Variants in CEP131 observed in about 807,000 individuals in gnomAD.
CEP131 encodes centrosomal protein 131.
A neutral mutation model predicts 136.8 loss-of-function variants in CEP131; 99 were observed. That is an observed-to-expected ratio of 0.72 (90% CI 0.62 to 0.86). The LOEUF (loss-of-function observed/expected upper bound fraction) is 0.86. Among genes scored for constraint, CEP131 ranks in the 40% least tolerant of loss-of-function variants. CEP131 has a pLI of 0.00. For missense variants in CEP131, 1,459 were observed against 1,463.0 expected (o/e 1.00, Z 0.04); for synonymous variants, 646 against 612.7 (o/e 1.05, Z -0.80).
chr17:81,195,870 C>T lies in CEP131; in HGVS notation c.1981G>A (p.Glu661Lys), dbSNP rs61741549. The T allele has an allele frequency of 0.022, 36,064 of 1,608,000 alleles. 598 individuals are homozygous for T. The highest frequency in any genetic ancestry group is 0.053 in the South Asian group (4,835 of 91,074). The change falls in exon 16 of 26, where the codon GAG becomes AAG. Residue 661 changes from glutamate (E) to lysine (K), a missense_variant. Coordinates refer to ENST00000450824, the MANE Select transcript of CEP131 (RefSeq NM_014984.4). ...ELKQEDQRCT[E>K]RVAQAQAQHE... ...TGCGCCTGTGCCTGGGCCACACGCT[C>T]GGTGCATCTCTGGTCCTCCTGCTTC...
At position 81,203,614 on chromosome 17, in the gene CEP131, G is replaced by A. The variant is rs2061942816; in HGVS notation, c.516-7C>T. On this transcript the variant is annotated splice_polypyrimidine_tract_variant and splice_region_variant and intron_variant, in intron 5 of 25. Transcript: ENST00000450824. This position sits in a 1 kb window ranked among gnomAD's most constrained non-coding sequence, Gnocchi z 4.6. ...CACTGCTCCCTTGTTGCTCCTGCCA[G>A]GCCGGAAGAGAGACAGGAATGGTCA... The A allele has an allele frequency of 1.3e-6, 2 of 1,579,002 alleles. No homozygotes were observed. Among genetic ancestry groups the A allele is most frequent in the East Asian group, 4.6e-5 (2 of 43,440 alleles).
chr17:81,193,840 T>C, intron 18 of CEP131, 86 bp downstream of exon 18: 3 of 1,429,416 alleles, frequency 2.1e-6, no homozygotes, highest in Non-Finnish European at 2.8e-6. Flanking sequence ...CGCCCACCTC[T>C]ACATGGGAAC....
At position 81,220,063 on chromosome 17, in the gene CEP131, C is replaced by T. The variant is rs1322259859; in HGVS notation, c.-7G>A. The T allele has an allele frequency of 1.2e-5, 19 of 1,566,556 alleles. No homozygotes were observed. Among genetic ancestry groups the T allele is most frequent in the Non-Finnish European group, 1.6e-5 (19 of 1,158,122 alleles). On this transcript the variant is annotated 5_prime_UTR_variant, in exon 2 of 26. Coordinates refer to ENST00000450824, the MANE Select transcript of CEP131 (RefSeq NM_014984.4). ...TGGCCCGGGTGCCTTTCATGGTGGA[C>T]AAGGCAGGTCCTGAGCGGGGAAGCA...
intron 16 of CEP131, among the ~76,000 whole-genome samples, chr17:81,195,479 C>A (rs1028015472): frequency 6.6e-6 from 1 of 152,222 alleles, no homozygotes; most frequent in Admixed American, 6.5e-5. Context: ...AATGCTCCAC[C>A]GACACCTGGT....
rs1292840646 is a variant in CEP131, at chr17:81,219,103, G to A, written c.177+777C>T. On this transcript the variant is annotated intron_variant, in intron 2 of 25. Coordinates refer to ENST00000450824, the MANE Select transcript of CEP131 (RefSeq NM_014984.4). This position sits in a 1 kb window ranked among gnomAD's most constrained non-coding sequence, Gnocchi z 4.0. ...CACCAACTCAGGGTGCAGCAGGCCC[G>A]GCCTGCCTTTCACAGCCCCCATCTG... Among the ~76,000 whole-genome samples the A allele has an allele frequency of 2.0e-5, 3 of 152,158 alleles. No homozygotes were observed. Among genetic ancestry groups the A allele is most frequent in the East Asian group, 1.9e-4 (1 of 5,156 alleles).
chr17:81,217,804 G>C (rs930284582), intron 2 of CEP131, among the ~76,000 whole-genome samples: 1 of 152,188 alleles, frequency 6.6e-6, no homozygotes, highest in Non-Finnish European at 1.5e-5. Context: ...ATCGATATGA[G>C]TAGCGCTCGC....
intron 17 of CEP131, among the ~76,000 whole-genome samples, chr17:81,194,432 T>C (rs1272653769): frequency 1.3e-5 from 2 of 152,166 alleles, no homozygotes; most frequent in Non-Finnish European, 2.9e-5. Context: ...CGGGGAGCCC[T>C]GCACATCACC....
At chr17:81,222,537 C>A (rs2062410919) in intron 1 of CEP131, among the ~76,000 whole-genome samples, 1 of 152,224 alleles carries the variant, frequency 6.6e-6, no homozygotes, top group South Asian at 2.1e-4. Context: ...ACGAGCCTGT[C>A]TTCACCTGCG....
In CEP131 at chr17:81,199,565, C is replaced by A; in HGVS notation, c.1024-16G>T. Reference sequence around the variant, plus strand: ...GTTGCAGCTCCTGCAGTGGGAGCATCGCTGAGCACTGTCCCTGGGAGAGGA... The same window carrying A: ...GTTGCAGCTCCTGCAGTGGGAGCATAGCTGAGCACTGTCCCTGGGAGAGGA... On this transcript the variant is annotated splice_polypyrimidine_tract_variant and intron_variant, in intron 9 of 25. Coordinates refer to ENST00000450824, the MANE Select transcript of CEP131 (RefSeq NM_014984.4). 6.2e-7 allele frequency: 1 copy of A among 1,600,082 alleles called. No individual in the cohort carries two copies. The highest frequency in any genetic ancestry group is 8.5e-7 in the Non-Finnish European group (1 of 1,173,970).
chr17:81,203,961 A>C lies in CEP131; in HGVS notation c.516-354T>G, dbSNP rs2061950087. 1 of 231,092 alleles carries C rather than the reference A, an allele frequency of 4.3e-6. No individual in the cohort carries two copies. Among genetic ancestry groups the C allele is most frequent in the Admixed American group, 5.4e-5 (1 of 18,376 alleles). 14.3% of individuals were successfully genotyped at this position (231,092 alleles called of 1,614,324 possible). ...AGCCCCATCCCACACGACGGATGGA[A>C]GCCACATTCTCTGCCTCTGCCCCTC... On this transcript the variant is annotated intron_variant, in intron 5 of 25. Coordinates refer to ENST00000450824, the MANE Select transcript of CEP131 (RefSeq NM_014984.4). The surrounding 1 kb of genome is among the most constrained non-coding windows in gnomAD (Gnocchi z 4.6).
rs1322782656 is a variant in CEP131, at chr17:81,206,854, G to GC, written c.404dup (p.Phe136LeufsTer14). ...TCCGGGCATTGGATGGCAAGGTGAA[G>GC]CCCCGGGGCTGGTCATCCTGTCAGA... On this transcript the variant is annotated frameshift_variant, in exon 5 of 26. Coordinates refer to ENST00000450824, the MANE Select transcript of CEP131 (RefSeq NM_014984.4). LOFTEE classifies it high-confidence loss of function. 1.2e-6 allele frequency: 2 copies of GC among 1,613,680 alleles called. No homozygotes were observed. The highest frequency in any genetic ancestry group is 1.7e-6 in the Non-Finnish European group (2 of 1,180,002).
Position 81,197,010 on chromosome 17 carries a change from C to G in CEP131, c.1693G>C (p.Glu565Gln). 2 of 1,596,824 alleles carry G rather than the reference C, an allele frequency of 1.3e-6. No homozygotes were observed. Among genetic ancestry groups the G allele is most frequent in the East Asian group, 2.3e-5 (1 of 44,116 alleles). The change falls in exon 14 of 26, where the codon GAG (glutamate) becomes CAG (glutamine). Residue 565 changes from glutamate (E) to glutamine (Q), a missense_variant. Around this residue, in one of 3 missense-constraint regions of CEP131, gnomAD observed 1,026 missense variants for 964.2 expected, o/e 1.06. Transcript: ENST00000450824. ...AGPGPLELGSEVSTSVMRLKL... is the reference protein window; with the variant it reads ...AGPGPLELGSQVSTSVMRLKL... ...AGCCGCATCACAGACGTGCTCACCT[C>G]GGACCCCAGCTCCAGGGGCCCCGGC...
At chr17:81,193,839 C>G (rs2061694521) in intron 18 of CEP131, 87 bp downstream of exon 18, 1 of 1,428,476 alleles carries the variant, frequency 7.0e-7, no homozygotes, top group Non-Finnish European at 9.4e-7. Context: ...TCGCCCACCT[C>G]TACATGGGAA....
chr17:81,197,562 G>A, intron 13 of CEP131, 150 bp downstream of exon 13: 1 of 1,212,614 alleles, frequency 8.2e-7, no homozygotes, highest in Non-Finnish European at 1.1e-6. Flanking sequence ...ACCACCTCCT[G>A]CTGGGGGCCG....
Position 81,192,718 on chromosome 17 carries a change from G to T in CEP131, c.2429+18C>A. Reference sequence around the variant, plus strand: ...GCGAGGGGTCCCTGGGAGAGGGCGTGGTGCCCCCGGGCGGCACCTGGCTGC... The same window carrying T: ...GCGAGGGGTCCCTGGGAGAGGGCGTTGTGCCCCCGGGCGGCACCTGGCTGC... On this transcript the variant is annotated intron_variant, in intron 19 of 25. Coordinates refer to ENST00000450824, the MANE Select transcript of CEP131 (RefSeq NM_014984.4). 6.5e-7 allele frequency: 1 copy of T among 1,531,458 alleles called. No homozygotes were observed. The highest frequency in any genetic ancestry group is 8.9e-7 in the Non-Finnish European group (1 of 1,125,064). The allele number at this position is 1,531,458 out of a possible 1,614,324, so 94.9% of individuals were successfully genotyped here. A position where few individuals can be genotyped will look rare whatever the true frequency, so the allele number is the denominator to read the frequency against.
At position 81,208,942 on chromosome 17, in the gene CEP131, C is replaced by T. The variant is rs748893088; in HGVS notation, c.258G>A (p.Arg86=). 3.7e-6 allele frequency: 6 copies of T among 1,613,780 alleles called. No homozygotes were observed. The highest frequency in any genetic ancestry group is 1.7e-5 in the Admixed American group (1 of 59,998). The change falls in exon 3 of 26, where the codon CGG becomes CGA. Residue 86 remains arginine, a synonymous_variant. Transcript: ENST00000450824. This position sits in a 1 kb window ranked among gnomAD's most constrained non-coding sequence, Gnocchi z 5.6. ...SNSTTQVSQP[R]SGSPRPTEPT... is the part of the protein sequence containing the mutation. ...TTAGGGGTTACCTGGGGGAGCCGCT[C>T]CGAGGCTGGCTGACCTGCGTGGTGC...
chr17:81,193,818 C>A (rs991626831), intron 18 of CEP131, 108 bp downstream of exon 18: 21 of 1,257,270 alleles, frequency 1.7e-5, no homozygotes, highest in East Asian at 1.6e-4. Flanking sequence ...CTGCATGCTG[C>A]ACTAAGACCC....
Position 81,195,918 on chromosome 17 carries a change from A to G in CEP131, c.1933T>C (p.Cys645Arg), listed in dbSNP as rs778008165. Residue 645 changes from cysteine (C) to arginine (R), a missense_variant, in exon 16 of 26, where the codon TGC becomes CGC. By Grantham distance (180) the Cys-to-Arg change is radical. This residue lies in a region of CEP131 where 1,026 missense variants were observed against 964.2 expected (regional missense o/e 1.06). Transcript: ENST00000450824. Reference sequence around the variant, plus strand: ...TTCAGCTCGGCCACCACAGCCTCGCACTTTTCACTCAGGACCTTCTTGTCC... The same window carrying G: ...TTCAGCTCGGCCACCACAGCCTCGCGCTTTTCACTCAGGACCTTCTTGTCC... ...IEDKKVLSEK[C>R]EAVVAELKQE... The G allele has an allele frequency of 8.7e-6, 14 of 1,610,078 alleles. No homozygotes were observed. Among genetic ancestry groups the G allele is most frequent in the African/African-American group, 1.3e-5 (1 of 74,914 alleles).
At chr17:81,218,373 G>A (rs888558681) in intron 2 of CEP131, among the ~76,000 whole-genome samples, 12 of 152,178 alleles carry the variant, frequency 7.9e-5, no homozygotes, top group Admixed American at 5.2e-4. Context: ...CGTCTTCCCC[G>A]CCCCATGTGC....
Sources: allele counts gnomAD v4.1 joint callset (sites outside exome capture counted in the v4.1 genomes callset), GRCh38; gene constraint gnomAD v4.1.1; regional missense constraint gnomAD v4.1.1; non-coding constraint Gnocchi (gnomAD v3.1); transcripts MANE v1.5; gene names NCBI Gene and HGNC (gene_info 2026-07-23, HGNC 2026-07-21).